GULP1: variants seen among roughly 807,000 people sequenced by gnomAD.
GULP1 encodes the protein PTB domain-containing engulfment adapter protein 1.
Under a neutral mutation model 40.9 loss-of-function variants are expected in GULP1, and 19 were observed. The observed-to-expected ratio is 0.46, with a 90% CI of 0.32 to 0.68. The LOEUF is 0.68. GULP1 is among the 30% of genes least tolerant of loss of function. GULP1 has a pLI of 0.03. For synonymous variants in GULP1, 119 were observed against 117.6 expected (o/e 1.01, Z -0.08); for missense variants, 312 against 362.2 (o/e 0.86, Z 1.12).
chr2:188,492,893 A>C (rs1053662513), intron 4 of GULP1, among the ~76,000 whole-genome samples: 3 of 152,062 alleles, frequency 2.0e-5, no homozygotes, highest in Non-Finnish European at 4.4e-5. Flanking sequence ...ACAGTAATGC[A>C]TATCATACAT....
intron 1 of GULP1, among the ~76,000 whole-genome samples, chr2:188,342,120 T>G (rs1003703359): frequency 6.6e-6 from 1 of 152,186 alleles, no homozygotes. Context: ...GGGTTAGTAA[T>G]GGCTAGAAGT....
chr2:188,443,857 T>C (rs186063521), intron 2 of GULP1, among the ~76,000 whole-genome samples: 28 of 152,252 alleles, frequency 1.8e-4, no homozygotes, highest in African/African-American at 5.5e-4. Context: ...GAATTTCTAA[T>C]TCTAATTATA....
At chr2:188,562,608 T>A (rs2153415112) in intron 7 of GULP1, among the ~76,000 whole-genome samples, 1 of 152,216 alleles carries the variant, frequency 6.6e-6, no homozygotes, top group East Asian at 1.9e-4. Context: ...TTAATAGTTT[T>A]CTCAGCAATT....
intron 1 of GULP1, among the ~76,000 whole-genome samples, chr2:188,326,043 A>G (rs986890910): frequency 1.3e-5 from 2 of 152,138 alleles, no homozygotes; most frequent in Admixed American, 6.6e-5. Flanking sequence ...GTATTCTACT[A>G]TACCAGAGTG....
At chr2:188,392,834 G>C (rs1574960838) in intron 2 of GULP1, among the ~76,000 whole-genome samples, 2 of 151,758 alleles carry the variant, frequency 1.3e-5, no homozygotes, top group African/African-American at 4.8e-5. Context: ...TCTTGATCTT[G>C]TTATTAACTC....
At chr2:188,522,945 A>G in intron 5 of GULP1, 118 bp downstream of exon 5, 1 of 623,602 alleles carries the variant, frequency 1.6e-6, no homozygotes, top group Non-Finnish European at 3.0e-6. Flanking sequence ...CCTATTAAAA[A>G]TGAACTATTG....
rs572663767 is a variant in GULP1 at position 188,595,329 on chromosome 2, GATTTATC to G, written c.*1324_*1330del. ...AGAGTAGGGGTAGCCCTCAAAAATA[GATTTATC>G]ATTTACTCATTGGAATTTTCTTCAA... is the stretch of plus-strand genomic sequence containing the variant. On this transcript the variant is annotated 3_prime_UTR_variant, in exon 12 of 12. Coordinates refer to ENST00000409830, the MANE Select transcript of GULP1 (RefSeq NM_016315.4). The G allele has an allele frequency of 3.9e-3, 585 of 151,830 alleles. 1 individual carries two copies. Among genetic ancestry groups the G allele is most frequent in the Non-Finnish European group, 6.6e-3 (450 of 67,670 alleles). The allele number at this position is 151,830 out of a possible 1,614,324, so 9.4% of individuals were successfully genotyped here. A position where few individuals can be genotyped will look rare whatever the true frequency, so the allele number is the denominator to read the frequency against.
chr2:188,359,770 G>A (rs1459019543), intron 1 of GULP1, among the ~76,000 whole-genome samples: 1 of 152,102 alleles, frequency 6.6e-6, no homozygotes, highest in East Asian at 1.9e-4. Flanking sequence ...GCATGGTTTT[G>A]GAAGGAAAAG....
chr2:188,517,146 T>C (rs1318730725), intron 4 of GULP1, among the ~76,000 whole-genome samples: 1 of 152,188 alleles, frequency 6.6e-6, no homozygotes, highest in Non-Finnish European at 1.5e-5. Flanking sequence ...GATAATATTG[T>C]ATGTTTTTAT....
At chr2:188,585,868 C>T (rs974568330) in intron 10 of GULP1, among the ~76,000 whole-genome samples, 2 of 152,206 alleles carry the variant, frequency 1.3e-5, no homozygotes, top group African/African-American at 2.4e-5. Context: ...GCTTGAATTT[C>T]TCCTCAGAAA....
At chr2:188,338,538 C>T (rs2042573287) in intron 1 of GULP1, among the ~76,000 whole-genome samples, 1 of 152,080 alleles carries the variant, frequency 6.6e-6, no homozygotes, top group Non-Finnish European at 1.5e-5. Flanking sequence ...CTCCTAGGCT[C>T]AAGCAACCCT....
rs556933607 is a variant in GULP1 at position 188,405,971 on chromosome 2, A to G, written c.-45+22082A>G. Among the ~76,000 whole-genome samples the G allele has an allele frequency of 8.5e-5, 13 of 152,360 alleles. 1 individual carries two copies. Among genetic ancestry groups the G allele is most frequent in the African/African-American group, 2.6e-4 (11 of 41,588 alleles). On this transcript the variant is annotated intron_variant, in intron 2 of 11. Transcript: ENST00000409830. ...ACTGACACTAAAGAAATGCAGATGT[A>G]TGAACCAACTGAAAGAGAATTAAAA... is the stretch of plus-strand genomic sequence containing the variant.
At chr2:188,426,281 G>A (rs1424502018) in intron 2 of GULP1, among the ~76,000 whole-genome samples, 1 of 152,098 alleles carries the variant, frequency 6.6e-6, no homozygotes, top group African/African-American at 2.4e-5. Flanking sequence ...GTTAAGATAA[G>A]GTAGATAAGA....
chr2:188,310,958 A>G lies in GULP1; in HGVS notation c.-172+18792A>G, dbSNP rs190430023. ...TGTGTTAAAGATGAAATTGTATCTAATATTTGTCAGATATTTCTAGAAATG... is the reference window on the plus strand; with the variant it reads ...TGTGTTAAAGATGAAATTGTATCTAGTATTTGTCAGATATTTCTAGAAATG... On this transcript the variant is annotated intron_variant, in intron 1 of 11. Coordinates refer to ENST00000409830, the MANE Select transcript of GULP1 (RefSeq NM_016315.4). Among the ~76,000 whole-genome samples, 25 of 152,324 alleles carry G rather than the reference A, an allele frequency of 1.6e-4. No homozygotes were observed. In the East Asian group the frequency reaches 4.6e-3, roughly 28 times the overall value.
chr2:188,478,423 C>T (rs552621312), intron 3 of GULP1, among the ~76,000 whole-genome samples: 8 of 152,132 alleles, frequency 5.3e-5, no homozygotes, highest in Admixed American at 2.0e-4. Flanking sequence ...CCTTTCCATT[C>T]TCAAAGGAGT....
chr2:188,337,571 G>T (rs2152114679), intron 1 of GULP1, among the ~76,000 whole-genome samples: 1 of 151,844 alleles, frequency 6.6e-6, no homozygotes, highest in Middle Eastern at 3.4e-3. Context: ...ATCCGGTGAT[G>T]ATAGTGGAAG....
chr2:188,390,716 T>G (rs2050400931), intron 2 of GULP1, among the ~76,000 whole-genome samples: 1 of 152,116 alleles, frequency 6.6e-6, no homozygotes, highest in Admixed American at 6.6e-5. Flanking sequence ...GAGTTTTTCC[T>G]GGGTTATCTT....
chr2:188,555,039 G>T (rs1694396646), intron 7 of GULP1, among the ~76,000 whole-genome samples: 1 of 151,854 alleles, frequency 6.6e-6, no homozygotes, highest in South Asian at 2.1e-4. Context: ...TGCCTATACT[G>T]GTAAGGTGAG....
chr2:188,443,385 G>A (rs1156316653), intron 2 of GULP1, among the ~76,000 whole-genome samples: 4 of 152,040 alleles, frequency 2.6e-5, no homozygotes, highest in South Asian at 2.1e-4. Context: ...TTCAAAGTCT[G>A]ATCTAAAGCC....
Sources: gnomAD v4.1 joint callset for allele counts (sites outside exome capture counted in the v4.1 genomes callset) on GRCh38, gnomAD v4.1.1 for gene constraint, MANE v1.5 for transcripts, NCBI Gene and HGNC (gene_info 2026-07-23, HGNC 2026-07-21) for gene names.